Variants in VAV2 observed in about 807,000 individuals in gnomAD.
VAV2 encodes vav guanine nucleotide exchange factor 2.
In VAV2, 67 loss-of-function variants were observed where a neutral mutation model predicts 132.5. The ratio of observed to expected loss-of-function variants is 0.51; its 90% CI spans 0.42 to 0.62. The LOEUF is 0.62. VAV2 is among the 20% of genes least tolerant of loss of function. The pLI is 0.00. For synonymous variants in VAV2, 492 were observed against 443.5 expected, an observed-to-expected ratio of 1.11 and a Z score of -1.37; for missense variants, 938 against 1,153.6, an observed-to-expected ratio of 0.81 and a Z score of 2.71.
At chr9:133,839,231 C>A (rs1836619399) in intron 3 of VAV2, among the ~76,000 whole-genome samples, 1 of 151,568 alleles carries the variant, frequency 6.6e-6, no homozygotes, top group African/African-American at 2.4e-5. Flanking sequence ...TGGCTGGATT[C>A]ATGGGTGCAT....
intron 2 of VAV2, among the ~76,000 whole-genome samples, chr9:133,908,860 G>A (rs953175639): frequency 9.9e-5 from 15 of 152,222 alleles, no homozygotes; most frequent in Non-Finnish European, 1.6e-4. Flanking sequence ...CTGAAAATGT[G>A]TGGGGACCCA....
Position 133,807,291 on chromosome 9 carries a change from C to A in VAV2, c.702G>T (p.Pro234=). Residue 234 remains proline (P), a synonymous_variant, in exon 8 of 30, where the codon CCG becomes CCT. Coordinates refer to ENST00000371850, the MANE Select transcript of VAV2 (RefSeq NM_001134398.2). ...TAATGAAGACAGCTGCCATGTCCGCCGGGCTCAGCACCAGCCGCAGGGGGC... is the reference window on the plus strand; with the variant it reads ...TAATGAAGACAGCTGCCATGTCCGCAGGGCTCAGCACCAGCCGCAGGGGGC... The part of the protein sequence containing the change: ...YMSPLRLVLS[P]ADMAAVFINL... 6.2e-7 allele frequency: 1 copy of A among 1,611,230 alleles called. No homozygotes were observed. Among genetic ancestry groups the A allele is most frequent in the Non-Finnish European group, 8.5e-7 (1 of 1,179,358 alleles).
intron 2 of VAV2, among the ~76,000 whole-genome samples, chr9:133,866,154 C>G (rs1392527104): frequency 6.6e-6 from 1 of 152,176 alleles, no homozygotes; most frequent in Non-Finnish European, 1.5e-5. Flanking sequence ...TCCAGGCCCC[C>G]CAGGGGGTGG....
intron 29 of VAV2, 152 bp from the exon 30 acceptor site, chr9:133,764,261 T>C (rs961686351): frequency 1.1e-5 from 11 of 958,764 alleles, no homozygotes; most frequent in African/African-American, 4.9e-5. Flanking sequence ...GGTGGAACCA[T>C]TGCCTGGGAG....
intron 22 of VAV2, 29 bp downstream of exon 22, chr9:133,778,733 C>T (rs1833901159): frequency 1.2e-6 from 2 of 1,609,518 alleles, no homozygotes; most frequent in Non-Finnish European, 1.7e-6. Flanking sequence ...AGCCGGGGAC[C>T]CTCGACCCTC....
At chr9:133,808,538 A>G (rs1478971495) in intron 7 of VAV2, among the ~76,000 whole-genome samples, 1 of 152,192 alleles carries the variant, frequency 6.6e-6, no homozygotes, top group East Asian at 1.9e-4. Flanking sequence ...AGCAGGAGAG[A>G]GGACTCAGAT....
chr9:133,810,154 G>C lies in VAV2; in HGVS notation c.567+37C>G. ...CTGAAAGGTCAAGAAGACGGCGCAG[G>C]CAGGACGTCCCCAGCCTCCCCTTCC... On this transcript the variant is annotated intron_variant, in intron 6 of 29. Transcript: ENST00000371850. 3 of 1,612,574 alleles carry C rather than the reference G, an allele frequency of 1.9e-6. No individual in the cohort carries two copies. The East Asian group carries it at 6.7e-5, about 36-fold the overall frequency.
rs1839207293 is a variant in VAV2, at chr9:133,896,418, C to T, written c.322-34986G>A. On this transcript the variant is annotated intron_variant, in intron 2 of 29. Coordinates refer to ENST00000371850, the MANE Select transcript of VAV2 (RefSeq NM_001134398.2). Reference sequence around the variant, plus strand: ...GCAATGAGCCAAGATCGCGCCATTGCACTCCAGCCTGGGCAACAGAGTGAG... The same window carrying T: ...GCAATGAGCCAAGATCGCGCCATTGTACTCCAGCCTGGGCAACAGAGTGAG... Among the ~76,000 whole-genome samples, 4 of 152,234 alleles carry T rather than the reference C, an allele frequency of 2.6e-5. No homozygotes were observed. The South Asian group carries it at 8.3e-4, about 32-fold the overall frequency.
rs192891178 is a variant in VAV2, at chr9:133,834,980, C to T, written c.381-640G>A. Among the ~76,000 whole-genome samples, 114 of 152,290 alleles carry T rather than the reference C, an allele frequency of 7.5e-4. No homozygotes were observed. The highest frequency in any genetic ancestry group is 2.6e-3 in the African/African-American group (110 of 41,562). On this transcript the variant is annotated intron_variant, in intron 3 of 29. Transcript: ENST00000371850. The surrounding 1 kb of genome is among the most constrained non-coding windows in gnomAD (Gnocchi z 5.9). ...CCATGGGGTCTCCCCAGAAGGAACG[C>T]GGCGGTGCTCCCCCACACTCCGCCC...
At position 133,987,542 on chromosome 9, in the gene VAV2, G is replaced by A. The variant is rs1588232327; in HGVS notation, c.204+4533C>T. Among the ~76,000 whole-genome samples the A allele has an allele frequency of 2.0e-5, 3 of 152,388 alleles. No homozygotes were observed. In the East Asian group the frequency reaches 5.8e-4, roughly 29 times the overall value. ...GGCTGGCGTGTCCGGGAAGAGGCAG[G>A]GAGCACAGGGAGTTGAGGTGGAGGT... On this transcript the variant is annotated intron_variant, in intron 1 of 29. Transcript: ENST00000371850.
intron 4 of VAV2, among the ~76,000 whole-genome samples, chr9:133,820,947 C>T (rs982477888): frequency 3.3e-5 from 5 of 151,570 alleles, no homozygotes; most frequent in Non-Finnish European, 4.4e-5. Flanking sequence ...AACCAGAGCG[C>T]CAGCCCCACA....
intron 2 of VAV2, among the ~76,000 whole-genome samples, chr9:133,902,253 T>C (rs1161656151): frequency 1.3e-5 from 2 of 152,120 alleles, no homozygotes; most frequent in Admixed American, 1.3e-4. Context: ...CGCAGGACAA[T>C]CCACACAACA....
At position 133,833,717 on chromosome 9, in the gene VAV2, C is replaced by T. The variant is rs368562903; in HGVS notation, c.449+555G>A. Among the ~76,000 whole-genome samples the T allele has an allele frequency of 1.5e-4, 23 of 152,252 alleles. No homozygotes were observed. Among genetic ancestry groups the T allele is most frequent in the African/African-American group, 4.8e-4 (20 of 41,564 alleles). ...TGGTGCTGTGGCCAGGCTTGGGCAGCGCCTGGGTGGAGCAGAGGCCTCTCA... is the reference window on the plus strand; with the variant it reads ...TGGTGCTGTGGCCAGGCTTGGGCAGTGCCTGGGTGGAGCAGAGGCCTCTCA... On this transcript the variant is annotated intron_variant, in intron 4 of 29. Coordinates refer to ENST00000371850, the MANE Select transcript of VAV2 (RefSeq NM_001134398.2). This position sits in a 1 kb window ranked among gnomAD's most constrained non-coding sequence, Gnocchi z 5.6.
chr9:133,786,439 C>T (rs7028095), intron 16 of VAV2, among the ~76,000 whole-genome samples: 122 of 152,340 alleles, frequency 8.0e-4, no homozygotes, highest in African/African-American at 2.9e-3. Context: ...CTCCTGCCTG[C>T]GCCCATGTGC....
chr9:133,873,998 A>G (rs557284834), intron 2 of VAV2, among the ~76,000 whole-genome samples: 3 of 152,028 alleles, frequency 2.0e-5, no homozygotes, highest in African/African-American at 7.2e-5. Context: ...ATTTCATTTT[A>G]TTCCCTCAAA....
Position 133,928,992 on chromosome 9 carries a change from C to T in VAV2, c.321+10111G>A, listed in dbSNP as rs1005870708. ...AGCACCACTCCCAGGAGCTTCCTCA[C>T]GAGACCCAGCCCATGAAAACAGGCA... On this transcript the variant is annotated intron_variant, in intron 2 of 29. Coordinates refer to ENST00000371850, the MANE Select transcript of VAV2 (RefSeq NM_001134398.2). This position sits in a 1 kb window ranked among gnomAD's most constrained non-coding sequence, Gnocchi z 5.4. 5.9e-5 allele frequency among the ~76,000 whole-genome samples: 9 copies of T among 152,182 alleles called. No individual in the cohort carries two copies. The highest frequency in any genetic ancestry group is 4.6e-4 in the Admixed American group (7 of 15,278).
intron 2 of VAV2, among the ~76,000 whole-genome samples, chr9:133,909,468 C>CTAA (rs963721173): frequency 3.4e-4 from 52 of 152,218 alleles, no homozygotes; most frequent in Non-Finnish European, 5.4e-4. Flanking sequence ...AAGCCTGGAG[C>CTAA]TAAATACCAT....
intron 9 of VAV2, among the ~76,000 whole-genome samples, chr9:133,800,700 G>A (rs138030637): frequency 3.3e-5 from 5 of 152,304 alleles, no homozygotes; most frequent in Non-Finnish European, 5.9e-5. Flanking sequence ...TGTGAGCTCC[G>A]CCTTTCAATT....
In VAV2 at chr9:133,788,526, C is replaced by A; in HGVS notation, c.1275-40G>T. The A allele has an allele frequency of 6.3e-7, 1 of 1,584,282 alleles. No individual in the cohort carries two copies. The highest frequency in any genetic ancestry group is 8.6e-7 in the Non-Finnish European group (1 of 1,156,576). Reference sequence around the variant, plus strand: ...GCAGCGGGGGATCAGCACCCCAGCACTGTGTGCTCTGCTCCGAGGAGGCGG... The same window carrying A: ...GCAGCGGGGGATCAGCACCCCAGCAATGTGTGCTCTGCTCCGAGGAGGCGG... On this transcript the variant is annotated intron_variant, in intron 14 of 29. Coordinates refer to ENST00000371850, the MANE Select transcript of VAV2 (RefSeq NM_001134398.2). This position sits in a 1 kb window ranked among gnomAD's most constrained non-coding sequence, Gnocchi z 5.3.
Sources: allele counts gnomAD v4.1 joint callset (sites outside exome capture counted in the v4.1 genomes callset), GRCh38; gene constraint gnomAD v4.1.1; non-coding constraint Gnocchi (gnomAD v3.1); transcripts MANE v1.5; gene names NCBI Gene and HGNC (gene_info 2026-07-23, HGNC 2026-07-21).